The following LRP1B variants were observed in gnomAD, a reference collection of about 807,000 sequenced individuals.
The protein encoded by LRP1B is LDL receptor related protein 1B, also known as low-density lipoprotein receptor-related protein 1B.
LRP1B carries 217 observed loss-of-function variants against 556.6 expected under a neutral mutation model. That is an observed-to-expected ratio of 0.39 (90% confidence interval 0.35 to 0.44). LRP1B has a LOEUF of 0.44. Among genes scored for constraint, LRP1B ranks in the 20% least tolerant of loss-of-function variants. LRP1B has a pLI of 1.00. For synonymous variants in LRP1B, 2,047 were observed against 1,865.8 expected (o/e 1.10, Z -2.50); for missense variants, 5,053 against 5,620.8 (o/e 0.90, Z 3.23).
intron 1 of LRP1B, among the ~76,000 whole-genome samples, chr2:142,011,695 A>G (rs1038604125): frequency 1.3e-5 from 2 of 152,168 alleles, no homozygotes; most frequent in Non-Finnish European, 2.9e-5. Flanking sequence ...TGAACCCACC[A>G]TTCTAGAATC....
At chr2:140,943,551 A>G (rs954312278) in intron 20 of LRP1B, among the ~76,000 whole-genome samples, 3 of 152,124 alleles carry the variant, frequency 2.0e-5, no homozygotes, top group African/African-American at 7.2e-5. Flanking sequence ...TTAAAAAATC[A>G]AAATCATACC....
chr2:140,959,666 G>A, intron 18 of LRP1B, among the ~76,000 whole-genome samples: 1 of 151,562 alleles, frequency 6.6e-6, no homozygotes, highest in East Asian at 1.9e-4. Flanking sequence ...CAAAATACAT[G>A]TGAAGTATCT....
Position 140,325,965 on chromosome 2 carries a change from C to A in LRP1B, c.12224-87G>T, listed in dbSNP as rs1320955903. ...ACTTTTGCTTCTTATTGTATAATTA[C>A]ACTTGACATTTGTCTTCAAGCATCA... is the stretch of plus-strand genomic sequence containing the variant. On this transcript the variant is annotated intron_variant, in intron 79 of 90. Coordinates refer to ENST00000389484, the MANE Select transcript of LRP1B (RefSeq NM_018557.3). 8 of 809,282 alleles carry A rather than the reference C, an allele frequency of 9.9e-6. No homozygotes were observed. In the East Asian group the frequency reaches 2.1e-4, roughly 21 times the overall value. 50.1% of individuals were successfully genotyped at this position (809,282 alleles called of 1,614,324 possible).
chr2:140,858,500 T>TGG (rs1233742129), intron 27 of LRP1B, among the ~76,000 whole-genome samples: 10 of 50,426 alleles, frequency 2.0e-4, no homozygotes, highest in Non-Finnish European at 4.8e-4. Flanking sequence ...TTTATATATA[T>TGG]GGAGAGAGAG....
At chr2:141,351,686 T>C (rs560083679) in intron 3 of LRP1B, among the ~76,000 whole-genome samples, 1 of 152,078 alleles carries the variant, frequency 6.6e-6, no homozygotes, top group African/African-American at 2.4e-5. Context: ...CCAACTCTAG[T>C]GGGGAAGTCA....
At chr2:140,618,820 T>A (rs1559009600) in intron 41 of LRP1B, among the ~76,000 whole-genome samples, 1 of 151,774 alleles carries the variant, frequency 6.6e-6, no homozygotes, top group Non-Finnish European at 1.5e-5. Flanking sequence ...TCCCTTTGAG[T>A]CAGAGTTGGG....
At chr2:141,965,985 C>G (rs1260501902) in intron 1 of LRP1B, among the ~76,000 whole-genome samples, 1 of 151,604 alleles carries the variant, frequency 6.6e-6, no homozygotes, top group Non-Finnish European at 1.5e-5. Context: ...CTAATTCCAC[C>G]AACTAGCACC....
chr2:140,944,313 A>G (rs1196629583), intron 20 of LRP1B, among the ~76,000 whole-genome samples: 1 of 152,118 alleles, frequency 6.6e-6, no homozygotes, highest in Non-Finnish European at 1.5e-5. Flanking sequence ...GACCAGATGG[A>G]TTCACAGTCA....
At chr2:141,987,988 T>G (rs1702246372) in intron 1 of LRP1B, among the ~76,000 whole-genome samples, 1 of 151,928 alleles carries the variant, frequency 6.6e-6, no homozygotes, top group Non-Finnish European at 1.5e-5. Flanking sequence ...AACTTTCATT[T>G]CCTTGTTGAT....
chr2:141,131,240 A>G (rs1472462433), intron 7 of LRP1B, among the ~76,000 whole-genome samples: 1 of 151,950 alleles, frequency 6.6e-6, no homozygotes, highest in Non-Finnish European at 1.5e-5. Flanking sequence ...AAACATTGGT[A>G]TATCTATTCA....
At chr2:140,568,253 A>T (rs2105098330) in intron 43 of LRP1B, among the ~76,000 whole-genome samples, 1 of 151,972 alleles carries the variant, frequency 6.6e-6, no homozygotes, top group African/African-American at 2.4e-5. Context: ...GAGAGGAAAA[A>T]TACCAAATGG....
At chr2:140,357,652 ACC>A (rs1682290365) in intron 74 of LRP1B, among the ~76,000 whole-genome samples, 1 of 151,544 alleles carries the variant, frequency 6.6e-6, no homozygotes, top group African/African-American at 2.4e-5. Flanking sequence ...ACTAAATATC[ACC>A]GTTTATAAAA....
chr2:141,278,429 GC>G (rs1685385013), intron 3 of LRP1B, among the ~76,000 whole-genome samples: 1 of 152,102 alleles, frequency 6.6e-6, no homozygotes, highest in South Asian at 2.1e-4. Flanking sequence ...TTTGTACTAT[GC>G]CACGTTAGAA....
intron 1 of LRP1B, 123 bp from the exon 2 acceptor site, chr2:141,810,524 T>C (rs1396269077): frequency 9.8e-7 from 1 of 1,022,608 alleles, no homozygotes; most frequent in African/African-American, 1.6e-5. Context: ...CCACATTTTC[T>C]GTTCGGCAGC....
chr2:141,123,201 C>A (rs1206670682), intron 7 of LRP1B, among the ~76,000 whole-genome samples: 1 of 149,726 alleles, frequency 6.7e-6, no homozygotes, highest in African/African-American at 2.5e-5. Flanking sequence ...TGTAACAAAT[C>A]TGCACATTGT....
intron 1 of LRP1B, among the ~76,000 whole-genome samples, chr2:142,002,983 T>C (rs1702701522): frequency 6.6e-6 from 1 of 152,246 alleles, no homozygotes; most frequent in Non-Finnish European, 1.5e-5. Context: ...CACAAGTCCT[T>C]ACAACACCTT....
At chr2:141,176,787 T>G (rs542133673) in intron 7 of LRP1B, among the ~76,000 whole-genome samples, 1 of 152,074 alleles carries the variant, frequency 6.6e-6, no homozygotes, top group Non-Finnish European at 1.5e-5. Flanking sequence ...ATTTTGACTA[T>G]AAAGAGGATT....
chr2:140,717,724 C>G (rs1687262555), intron 35 of LRP1B, among the ~76,000 whole-genome samples: 1 of 151,964 alleles, frequency 6.6e-6, no homozygotes, highest in Non-Finnish European at 1.5e-5. Context: ...CCTTTAAGAC[C>G]AATAAAATTT....
intron 1 of LRP1B, among the ~76,000 whole-genome samples, chr2:141,890,390 A>ATGTATTGTGTGTATATATATATATGTATT (rs375936846): frequency 2.5e-4 from 34 of 135,964 alleles, no homozygotes; most frequent in African/African-American, 9.2e-4. Flanking sequence ...ATACATATAT[A>ATGTATTGTGTGTATATATATATATGTATT]GTGTATATAT....
Sources: allele counts gnomAD v4.1 joint callset (sites outside exome capture counted in the v4.1 genomes callset), GRCh38; gene constraint gnomAD v4.1.1; transcripts MANE v1.5; gene names NCBI Gene and HGNC (gene_info 2026-07-23, HGNC 2026-07-21).